Variants in INTS2 observed in about 807,000 individuals in gnomAD.
INTS2 encodes the protein integrator complex subunit 2.
In INTS2, 57 loss-of-function variants were observed where a neutral mutation model predicts 139.6. That is an observed-to-expected ratio of 0.41 (90% CI 0.33 to 0.51). INTS2 has a LOEUF of 0.51. INTS2 is among the 20% of genes least tolerant of loss of function. The probability of loss-of-function intolerance (pLI) is 0.28; values close to 1 mark genes in which losing one functional copy is unlikely to be tolerated. For missense variants in INTS2, 1,196 were observed against 1,436.7 expected (o/e 0.83, Z 2.71); for synonymous variants, 473 against 493.4 (o/e 0.96, Z 0.55).
At chr17:61,885,301 C>T in intron 15 of INTS2, 1 of 372,664 alleles carries the variant, frequency 2.7e-6, no homozygotes, top group Non-Finnish European at 4.8e-6. Flanking sequence ...AAAGAACCAA[C>T]AAGTGAGTCA....
At chr17:61,883,988 C>A (rs1413559855) in intron 16 of INTS2, among the ~76,000 whole-genome samples, 2 of 147,266 alleles carry the variant, frequency 1.4e-5, no homozygotes, top group East Asian at 4.0e-4. Context: ...CGTAGTGAGA[C>A]CCTTTCCCTA....
rs752952755 is a variant in INTS2, at chr17:61,927,748, G to A, written c.-113C>T. 9.2e-5 allele frequency: 139 copies of A among 1,513,108 alleles called. No homozygotes were observed. The highest frequency in any genetic ancestry group is 1.1e-4 in the Non-Finnish European group (130 of 1,133,684). 93.7% of individuals were successfully genotyped at this position (1,513,108 alleles called of 1,614,324 possible). A position where few individuals can be genotyped will look rare whatever the true frequency, so the allele number is the denominator to read the frequency against. On this transcript the variant is annotated 5_prime_UTR_variant, in exon 1 of 25. Transcript: ENST00000251334. ...AAATCGAGAGCGCGGTCCGATGTTG[G>A]GCCTAGGCGATATCCGGAACCCCAA... is the stretch of plus-strand genomic sequence containing the variant.
chr17:61,874,033 T>C (rs1457516885), intron 19 of INTS2: 1 of 152,218 alleles, frequency 6.6e-6, no homozygotes, highest in Non-Finnish European at 1.5e-5. Flanking sequence ...CCCATCTTTA[T>C]ACTATTAGAT....
rs748169548 is a variant in INTS2, at chr17:61,869,397, C to T, written c.3031-17G>A. ...TGGATAACCCTATCTCAACAAGAAA[C>T]GGGAAAAAAGTCAGAAATAAAATAA... is the stretch of plus-strand genomic sequence containing the variant. On this transcript the variant is annotated splice_polypyrimidine_tract_variant and intron_variant, in intron 21 of 24. Coordinates refer to ENST00000251334, the MANE Select transcript of INTS2 (RefSeq NM_001351695.2). The surrounding 1 kb of genome is among the most constrained non-coding windows in gnomAD (Gnocchi z 5.4). 1.7e-5 allele frequency: 26 copies of T among 1,491,534 alleles called. No individual in the cohort carries two copies. Among genetic ancestry groups the T allele is most frequent in the South Asian group, 1.1e-4 (9 of 81,450 alleles). The allele number at this position is 1,491,534 out of a possible 1,614,324, so 92.4% of individuals were successfully genotyped here.
intron 14 of INTS2, 135 bp from the exon 15 acceptor site, chr17:61,890,029 CTGTG>C: frequency 1.6e-6 from 1 of 608,328 alleles, no homozygotes; most frequent in South Asian, 1.8e-5. Context: ...AGAAATGTTG[CTGTG>C]TGTGTATTAA....
intron 16 of INTS2, among the ~76,000 whole-genome samples, chr17:61,884,557 T>A (rs914913133): frequency 4.0e-5 from 6 of 150,090 alleles, no homozygotes; most frequent in African/African-American, 1.5e-4. Context: ...TTAAAAAAAT[T>A]TTTTTTTTTT....
chr17:61,897,576 C>G lies in INTS2; in HGVS notation c.1387G>C (p.Gly463Arg). 2 of 1,599,374 alleles carry G rather than the reference C, an allele frequency of 1.3e-6. No individual in the cohort carries two copies. The highest frequency in any genetic ancestry group is 1.7e-6 in the Non-Finnish European group (2 of 1,172,258). Reference sequence around the variant, plus strand: ...ATCTCCCCAAAAGAAGCAGAGACGCCTGAAGTACTGTCAAAACAAAATAGG... The same window carrying G: ...ATCTCCCCAAAAGAAGCAGAGACGCGTGAAGTACTGTCAAAACAAAATAGG... ...KEEAYFESTS[G>R]VSASFGEMLL... is the part of the protein sequence containing the mutation. The change falls in exon 11 of 25, where the codon GGC becomes CGC. Residue 463 changes from glycine to arginine, a missense_variant. Around this residue, in one of 3 missense-constraint regions of INTS2, gnomAD observed 1,129 missense variants for 1,341.9 expected, o/e 0.84. Coordinates refer to ENST00000251334, the MANE Select transcript of INTS2 (RefSeq NM_001351695.2). The surrounding 1 kb of genome is among the most constrained non-coding windows in gnomAD (Gnocchi z 4.4).
Position 61,908,339 on chromosome 17 carries a change from C to T in INTS2, c.955-705G>A, listed in dbSNP as rs200995518. 1.1e-4 allele frequency among the ~76,000 whole-genome samples: 17 copies of T among 152,224 alleles called. No homozygotes were observed. In the East Asian group the frequency reaches 2.9e-3, roughly 26 times the overall value. On this transcript the variant is annotated intron_variant, in intron 7 of 24. Transcript: ENST00000251334. ...CTGAAGCACAAGAATCGCTTGAACC[C>T]AGGAGGCGGAGGTTACAATGAGTCA...
intron 5 of INTS2, among the ~76,000 whole-genome samples, chr17:61,918,551 G>T (rs538205582): frequency 3.3e-5 from 5 of 152,128 alleles, no homozygotes; most frequent in African/African-American, 1.2e-4. Context: ...CAGATGAGAA[G>T]TATTTTGATA....
rs896163492 is a variant in INTS2 at position 61,876,036 on chromosome 17, G to A, written c.2457-998C>T. Reference sequence around the variant, plus strand: ...CTAAAAAAAATTAGGCAGGCACGGGGGTATGCACCTGTAGTCCAGCTATTT... The same window carrying A: ...CTAAAAAAAATTAGGCAGGCACGGGAGTATGCACCTGTAGTCCAGCTATTT... On this transcript the variant is annotated intron_variant, in intron 18 of 24. Coordinates refer to ENST00000251334, the MANE Select transcript of INTS2 (RefSeq NM_001351695.2). The surrounding 1 kb of genome is among the most constrained non-coding windows in gnomAD (Gnocchi z 4.1). Among the ~76,000 whole-genome samples the A allele has an allele frequency of 7.9e-5, 12 of 151,808 alleles. No individual in the cohort carries two copies. Among genetic ancestry groups the A allele is most frequent in the African/African-American group, 2.4e-4 (10 of 41,302 alleles).
chr17:61,922,546 A>ATATATATG (rs1567921278), intron 3 of INTS2, among the ~76,000 whole-genome samples: 1 of 129,968 alleles, frequency 7.7e-6, no homozygotes, highest in Non-Finnish European at 1.7e-5. Context: ...ATATATATAT[A>ATATATATG]CGTGTTCAAT....
At chr17:61,907,287 C>T in intron 8 of INTS2, 121 bp downstream of exon 8, 1 of 728,344 alleles carries the variant, frequency 1.4e-6, no homozygotes, top group Non-Finnish European at 2.3e-6. Flanking sequence ...CAGGCCAGCC[C>T]ACTACCTGAG....
intron 9 of INTS2, among the ~76,000 whole-genome samples, chr17:61,899,999 C>A (rs1001215730): frequency 3.3e-5 from 5 of 151,634 alleles, no homozygotes; most frequent in Non-Finnish European, 7.4e-5. Flanking sequence ...AGAAAGAATT[C>A]ATGTACCTAA....
At chr17:61,902,583 T>C (rs1271016788) in intron 9 of INTS2, among the ~76,000 whole-genome samples, 1 of 151,984 alleles carries the variant, frequency 6.6e-6, no homozygotes, top group African/African-American at 2.4e-5. Flanking sequence ...AATAACTTGC[T>C]CATTCTAAGA....
intron 8 of INTS2, among the ~76,000 whole-genome samples, chr17:61,906,467 AT>A (rs1392876721): frequency 6.6e-6 from 1 of 152,150 alleles, no homozygotes; most frequent in Non-Finnish European, 1.5e-5. Flanking sequence ...CATGATGTAC[AT>A]CTGTTATTTA....
At chr17:61,898,163 C>T (rs912367586) in intron 9 of INTS2, among the ~76,000 whole-genome samples, 12 of 152,040 alleles carry the variant, frequency 7.9e-5, no homozygotes, top group African/African-American at 2.9e-4. Flanking sequence ...ATGAGCAGTC[C>T]ATCTTCTGGA....
rs2079089079 is a variant in INTS2, at chr17:61,871,592, C to T, written c.2778+673G>A. The stretch of plus-strand genomic sequence containing the variant: ...TTTTGTCTTCTTCACCACTCTATCC[C>T]CAGTTCCTGGAACAATACTTGGCAC... On this transcript the variant is annotated intron_variant, in intron 20 of 24. Coordinates refer to ENST00000251334, the MANE Select transcript of INTS2 (RefSeq NM_001351695.2). The surrounding 1 kb of genome is among the most constrained non-coding windows in gnomAD (Gnocchi z 4.9). Among the ~76,000 whole-genome samples, 1 of 152,124 alleles carries T rather than the reference C, an allele frequency of 6.6e-6. No homozygotes were observed. The highest frequency in any genetic ancestry group is 1.5e-5 in the Non-Finnish European group (1 of 68,026).
Position 61,927,707 on chromosome 17 carries a change from A to G in INTS2, c.-72T>C. On this transcript the variant is annotated 5_prime_UTR_variant, in exon 1 of 25. Transcript: ENST00000251334. ...ACCGCACACGGACTCCGCGTCCTAG[A>G]GGCGGGACGCGGCAGAAATCGAGAG... 2 of 1,449,420 alleles carry G rather than the reference A, an allele frequency of 1.4e-6. No individual in the cohort carries two copies. Among genetic ancestry groups the G allele is most frequent in the Non-Finnish European group, 1.8e-6 (2 of 1,104,068 alleles). The allele number at this position is 1,449,420 out of a possible 1,614,324, so 89.8% of individuals were successfully genotyped here. A position where few individuals can be genotyped will look rare whatever the true frequency, so the allele number is the denominator to read the frequency against.
At chr17:61,905,095 G>C (rs1479102600) in intron 8 of INTS2, among the ~76,000 whole-genome samples, 4 of 151,556 alleles carry the variant, frequency 2.6e-5, no homozygotes, top group African/African-American at 9.7e-5. Flanking sequence ...ACAGGTATGC[G>C]CCACCATGCC....
Sources: allele counts gnomAD v4.1 joint callset (sites outside exome capture counted in the v4.1 genomes callset), GRCh38; gene constraint gnomAD v4.1.1; regional missense constraint gnomAD v4.1.1; non-coding constraint Gnocchi (gnomAD v3.1); transcripts MANE v1.5; gene names NCBI Gene and HGNC (gene_info 2026-07-23, HGNC 2026-07-21).